Variants in TNFRSF8 observed in about 807,000 individuals in gnomAD.
The protein encoded by TNFRSF8 is tumor necrosis factor receptor superfamily member 8.
Under a neutral mutation model 70.8 loss-of-function variants are expected in TNFRSF8, and 26 were observed. That is an observed-to-expected ratio of 0.37 (90% CI 0.27 to 0.51). The LOEUF is 0.51. Ranked by LOEUF, TNFRSF8 falls within the 20% of genes least tolerant of loss-of-function variation. The probability of loss-of-function intolerance (pLI) is 0.94; values close to 1 mark genes in which losing one functional copy is unlikely to be tolerated. For missense variants in TNFRSF8, 720 were observed against 807.9 expected (o/e 0.89, Z 1.32); for synonymous variants, 356 against 339.2 (o/e 1.05, Z -0.54).
intron 6 of TNFRSF8, among the ~76,000 whole-genome samples, chr1:12,111,141 A>G (rs1212526321): frequency 6.6e-6 from 1 of 152,026 alleles, no homozygotes; most frequent in East Asian, 1.9e-4. Flanking sequence ...CTCCCGCTCC[A>G]TGGCTTTGCT....
intron 12 of TNFRSF8, among the ~76,000 whole-genome samples, chr1:12,134,845 G>A (rs1182492718): frequency 6.6e-6 from 1 of 152,158 alleles, no homozygotes; most frequent in African/African-American, 2.4e-5. Context: ...AGAATTCGGG[G>A]CTCTCCACAC....
intron 1 of TNFRSF8, among the ~76,000 whole-genome samples, chr1:12,064,068 T>C (rs1468489669): frequency 6.6e-6 from 1 of 152,186 alleles, no homozygotes; most frequent in Non-Finnish European, 1.5e-5. Context: ...GTCCGCGCTC[T>C]ACCCTGTTGT....
Position 12,123,303 on chromosome 1 carries a change from C to T in TNFRSF8, c.966C>T (p.Thr322=). ...TKPQDMAEKD[T]TFEAPPLGTQ... Reference sequence around the variant, plus strand: ...CTGCAGATATGGCTGAGAAGGACACCACCTTTGAGGCGCCACCCCTGGGGA... The same window carrying T: ...CTGCAGATATGGCTGAGAAGGACACTACCTTTGAGGCGCCACCCCTGGGGA... The change falls in exon 9 of 15, where the codon ACC becomes ACT. Residue 322 remains threonine (T), a synonymous_variant. Coordinates refer to ENST00000263932, the MANE Select transcript of TNFRSF8 (RefSeq NM_001243.5). 1.2e-6 allele frequency: 2 copies of T among 1,613,204 alleles called. No individual in the cohort carries two copies. The highest frequency in any genetic ancestry group is 1.3e-5 in the African/African-American group (1 of 75,026).
chr1:12,128,356 GA>G (rs1232293279), intron 12 of TNFRSF8, among the ~76,000 whole-genome samples: 2 of 152,234 alleles, frequency 1.3e-5, no homozygotes, highest in Non-Finnish European at 2.9e-5. Context: ...TTTGAGCAGT[GA>G]GCACATCAGG....
chr1:12,090,868 G>A (rs932890495), intron 2 of TNFRSF8, among the ~76,000 whole-genome samples: 1 of 152,174 alleles, frequency 6.6e-6, no homozygotes, highest in Non-Finnish European at 1.5e-5. Context: ...CAATTCCTAT[G>A]TTGAAGTCTT....
At chr1:12,123,613 C>G (rs987350998) in intron 9 of TNFRSF8, 102 bp from the exon 10 acceptor site, 3 of 1,121,432 alleles carry the variant, frequency 2.7e-6, no homozygotes, top group Non-Finnish European at 3.9e-6. Flanking sequence ...ATCTAGGGGC[C>G]CAGGCTCTGG....
In TNFRSF8 at chr1:12,119,832, G is replaced by A. The variant is rs1641796748; in HGVS notation, c.947-3452G>A. On this transcript the variant is annotated intron_variant, in intron 8 of 14. Transcript: ENST00000263932. The surrounding 1 kb of genome is among the most constrained non-coding windows in gnomAD (Gnocchi z 4.4). ...TTTCATGGGTAAATACCTAGGAGGA[G>A]TGGCTAGGTCATTGTGCTGGTCACA... 6.6e-6 allele frequency among the ~76,000 whole-genome samples: 1 copy of A among 152,176 alleles called. No individual in the cohort carries two copies. The highest frequency in any genetic ancestry group is 2.1e-4 in the South Asian group (1 of 4,832).
chr1:12,138,811 T>C lies in TNFRSF8; in HGVS notation c.1543+375T>C, dbSNP rs1208192668. On this transcript the variant is annotated intron_variant, in intron 14 of 14. Coordinates refer to ENST00000263932, the MANE Select transcript of TNFRSF8 (RefSeq NM_001243.5). The surrounding 1 kb of genome is among the most constrained non-coding windows in gnomAD (Gnocchi z 5.7). ...GTAGGTGCCATCTCTTCATCTCTGA[T>C]GGTCTCACCACCTTCTTTGGATGGT... Among the ~76,000 whole-genome samples the C allele has an allele frequency of 6.6e-6, 1 of 152,238 alleles. No homozygotes were observed. The highest frequency in any genetic ancestry group is 1.5e-5 in the Non-Finnish European group (1 of 68,038).
chr1:12,076,365 G>T (rs1640967163), intron 1 of TNFRSF8, among the ~76,000 whole-genome samples: 1 of 152,162 alleles, frequency 6.6e-6, no homozygotes, highest in African/African-American at 2.4e-5. Context: ...CTCCCAAAGT[G>T]CTGGGATTAC....
intron 12 of TNFRSF8, among the ~76,000 whole-genome samples, chr1:12,126,695 G>A (rs951101531): frequency 4.6e-5 from 7 of 152,188 alleles, no homozygotes; most frequent in African/African-American, 1.7e-4. Context: ...GGAGCACATG[G>A]GGCAAGAGGG....
chr1:12,137,649 G>A (rs1642172842), intron 13 of TNFRSF8, among the ~76,000 whole-genome samples: 1 of 150,074 alleles, frequency 6.7e-6, no homozygotes, highest in Admixed American at 6.7e-5. Flanking sequence ...CACCGGGCTT[G>A]TCACTTGAAC....
At chr1:12,099,754 A>G (rs1641388220) in intron 3 of TNFRSF8, among the ~76,000 whole-genome samples, 2 of 151,698 alleles carry the variant, frequency 1.3e-5, no homozygotes, top group Admixed American at 6.6e-5. Flanking sequence ...CCTAGGTTCT[A>G]TGGCAGATCC....
intron 12 of TNFRSF8, among the ~76,000 whole-genome samples, chr1:12,132,318 G>A (rs1047979961): frequency 3.3e-5 from 5 of 152,208 alleles, no homozygotes; most frequent in Admixed American, 1.3e-4. Context: ...CAGGAGCCAC[G>A]TCACATTCAG....
chr1:12,127,189 C>T (rs1468568845), intron 12 of TNFRSF8, among the ~76,000 whole-genome samples: 3 of 152,374 alleles, frequency 2.0e-5, no homozygotes, highest in South Asian at 2.1e-4. Context: ...GGGTCTTCCT[C>T]AGCACTGCAT....
intron 13 of TNFRSF8, among the ~76,000 whole-genome samples, chr1:12,136,537 T>G (rs1216116527): frequency 6.6e-6 from 1 of 151,442 alleles, no homozygotes; most frequent in Admixed American, 6.6e-5. Context: ...TAGTCCCAGC[T>G]ACTCAGGAGG....
intron 8 of TNFRSF8, among the ~76,000 whole-genome samples, chr1:12,116,012 G>A (rs144493181): frequency 2.6e-5 from 4 of 152,106 alleles, no homozygotes; most frequent in East Asian, 1.9e-4. Flanking sequence ...ATGGAGTTTC[G>A]CTCATGTTGC....
At chr1:12,081,137 AC>A (rs1641056017) in intron 1 of TNFRSF8, among the ~76,000 whole-genome samples, 1 of 151,944 alleles carries the variant, frequency 6.6e-6, no homozygotes, top group South Asian at 2.1e-4. Flanking sequence ...CATTCTCTGC[AC>A]CCCCTACCCC....
chr1:12,098,158 T>A lies in TNFRSF8; in HGVS notation c.268+941T>A, dbSNP rs534888911. Reference sequence around the variant, plus strand: ...CCTCTCCATTCCTTGTAATGCCTTTTCCCTTAATTTCACATTTGTTTGGCA... The same window carrying A: ...CCTCTCCATTCCTTGTAATGCCTTTACCCTTAATTTCACATTTGTTTGGCA... On this transcript the variant is annotated intron_variant, in intron 3 of 14. Coordinates refer to ENST00000263932, the MANE Select transcript of TNFRSF8 (RefSeq NM_001243.5). Among the ~76,000 whole-genome samples, 7 of 152,324 alleles carry A rather than the reference T, an allele frequency of 4.6e-5. No individual in the cohort carries two copies. In the South Asian group the frequency reaches 1.4e-3, roughly 32 times the overall value.
At chr1:12,073,675 C>T (rs1337615395) in intron 1 of TNFRSF8, among the ~76,000 whole-genome samples, 1 of 151,102 alleles carries the variant, frequency 6.6e-6, no homozygotes, top group African/African-American at 2.4e-5. Flanking sequence ...CTCAATGCAA[C>T]CTCTGCCTCC....
Sources: allele counts gnomAD v4.1 joint callset (sites outside exome capture counted in the v4.1 genomes callset), GRCh38; gene constraint gnomAD v4.1.1; non-coding constraint Gnocchi (gnomAD v3.1); transcripts MANE v1.5; gene names NCBI Gene and HGNC (gene_info 2026-07-23, HGNC 2026-07-21).